Variants in GRIN2A observed in about 807,000 individuals in gnomAD.
GRIN2A encodes the protein glutamate receptor ionotropic, NMDA 2A.
GRIN2A carries 22 observed loss-of-function variants against 113.4 expected under a neutral mutation model. That is an observed-to-expected ratio of 0.19 (90% CI 0.14 to 0.28). GRIN2A has a LOEUF of 0.28. GRIN2A is among the 10% of genes least tolerant of loss of function. GRIN2A has a pLI of 1.00. For synonymous variants in GRIN2A, 827 were observed against 738.4 expected, an observed-to-expected ratio of 1.12 and a Z score of -1.94; for missense variants, 1,502 against 1,887.0, an observed-to-expected ratio of 0.80 and a Z score of 3.78.
chr16:10,059,592 A>C (rs1461451252), intron 2 of GRIN2A, among the ~76,000 whole-genome samples: 1 of 152,164 alleles, frequency 6.6e-6, no homozygotes, highest in African/African-American at 2.4e-5. Context: ...AGCAAATAAT[A>C]ACTTTAGAAA....
intron 2 of GRIN2A, among the ~76,000 whole-genome samples, chr16:9,975,192 T>G (rs1405015869): frequency 1.3e-5 from 2 of 152,028 alleles, no homozygotes; most frequent in Admixed American, 1.3e-4. Flanking sequence ...ACTCTAAAAA[T>G]CCATAAAAAG....
chr16:9,893,490 G>A (rs976149363), intron 3 of GRIN2A, among the ~76,000 whole-genome samples: 1 of 151,836 alleles, frequency 6.6e-6, no homozygotes, highest in Non-Finnish European at 1.5e-5. Flanking sequence ...TTTTTAAGAC[G>A]GAGTCTCACT....
intron 3 of GRIN2A, among the ~76,000 whole-genome samples, chr16:9,917,104 T>A (rs143179758): frequency 0.029 from 4,440 of 152,320 alleles, 102 homozygotes; most frequent in Non-Finnish European, 0.042. Context: ...TGGAATGACT[T>A]TTCTCCGGCT....
intron 2 of GRIN2A, among the ~76,000 whole-genome samples, chr16:9,984,228 G>C (rs937905001): frequency 3.9e-5 from 4 of 103,882 alleles, no homozygotes; most frequent in African/African-American, 7.8e-5. Context: ...TTTTTAATCG[G>C]ATTTTTTTTT....
At chr16:10,034,185 G>A (rs899761877) in intron 2 of GRIN2A, among the ~76,000 whole-genome samples, 5 of 152,148 alleles carry the variant, frequency 3.3e-5, no homozygotes, top group African/African-American at 1.2e-4. Flanking sequence ...GTGTTTATCT[G>A]CCTTCAGACT....
At chr16:9,839,108 GT>G (rs2042629554) in intron 7 of GRIN2A, among the ~76,000 whole-genome samples, 1 of 152,042 alleles carries the variant, frequency 6.6e-6, no homozygotes, top group South Asian at 2.1e-4. Context: ...AGAGATTCAC[GT>G]TTGTCTTAAC....
At chr16:9,865,714 A>AGTTCTC (rs1157016248) in intron 4 of GRIN2A, among the ~76,000 whole-genome samples, 1 of 152,208 alleles carries the variant, frequency 6.6e-6, no homozygotes, top group African/African-American at 2.4e-5. Flanking sequence ...TATGTGCCAT[A>AGTTCTC]AACTGTTCTC....
At chr16:10,167,196 T>A (rs1188902902) in intron 2 of GRIN2A, among the ~76,000 whole-genome samples, 1 of 152,176 alleles carries the variant, frequency 6.6e-6, no homozygotes, top group Non-Finnish European at 1.5e-5. Flanking sequence ...TGTGATCCCC[T>A]GAAATTGCAC....
chr16:9,815,176 TTTG>T (rs1398575105), intron 10 of GRIN2A, among the ~76,000 whole-genome samples: 1 of 152,176 alleles, frequency 6.6e-6, no homozygotes, highest in Middle Eastern at 3.2e-3. Flanking sequence ...ACACTGTTCT[TTTG>T]TTTTTACAGA....
At chr16:10,057,880 A>G (rs2047481863) in intron 2 of GRIN2A, among the ~76,000 whole-genome samples, 1 of 152,222 alleles carries the variant, frequency 6.6e-6, no homozygotes, top group Non-Finnish European at 1.5e-5. Flanking sequence ...AGAGATCTTG[A>G]CTTTTATGTG....
intron 2 of GRIN2A, among the ~76,000 whole-genome samples, chr16:10,038,454 G>C (rs12447852): frequency 0.22 from 32,714 of 151,768 alleles, 4,222 homozygotes; most frequent in East Asian, 0.52. Flanking sequence ...GGGCTGTCCT[G>C]CACACACTGT....
At chr16:9,885,583 C>T (rs1023471883) in intron 4 of GRIN2A, among the ~76,000 whole-genome samples, 1 of 152,186 alleles carries the variant, frequency 6.6e-6, no homozygotes, top group African/African-American at 2.4e-5. Context: ...TCCCAGACAC[C>T]CTCATTACAT....
chr16:9,976,381 A>C (rs748622460), intron 2 of GRIN2A, among the ~76,000 whole-genome samples: 4 of 152,204 alleles, frequency 2.6e-5, no homozygotes, highest in Non-Finnish European at 5.9e-5. Context: ...TGTCCAAAGG[A>C]GGACAGGACA....
intron 2 of GRIN2A, among the ~76,000 whole-genome samples, chr16:10,137,227 C>T (rs1375758827): frequency 6.6e-6 from 1 of 152,234 alleles, no homozygotes; most frequent in African/African-American, 2.4e-5. Flanking sequence ...AAAGCCCCAA[C>T]AGCACATGCT....
intron 2 of GRIN2A, among the ~76,000 whole-genome samples, chr16:10,018,218 G>A (rs1445821362): frequency 1.3e-5 from 2 of 152,146 alleles, no homozygotes; most frequent in Non-Finnish European, 2.9e-5. Context: ...GATGCACGTG[G>A]GCCATTTCAA....
At chr16:10,110,296 G>A (rs189221937) in intron 2 of GRIN2A, among the ~76,000 whole-genome samples, 5 of 152,320 alleles carry the variant, frequency 3.3e-5, no homozygotes, top group Admixed American at 6.5e-5. Context: ...TTAGGGGAAC[G>A]TGGTAATGGA....
chr16:10,150,941 G>A (rs1461014947), intron 2 of GRIN2A, among the ~76,000 whole-genome samples: 2 of 152,168 alleles, frequency 1.3e-5, no homozygotes, highest in Admixed American at 1.3e-4. Flanking sequence ...CCTGACACAT[G>A]GTAGATACTA....
intron 8 of GRIN2A, among the ~76,000 whole-genome samples, chr16:9,833,074 G>A (rs2042525094): frequency 6.6e-6 from 1 of 152,188 alleles, no homozygotes; most frequent in South Asian, 2.1e-4. Context: ...TTGGGAAAGA[G>A]ATTTGGTCCT....
In GRIN2A at chr16:9,764,037, C is replaced by T. The variant is rs2141131530; in HGVS notation, c.3507G>A (p.Arg1169=). The part of the protein sequence containing the change: ...RKGDSTLPMN[R]NPLHNEEGLS... ...GCCCCTCTTCATTATGCAAGGGGTT[C>T]CGGTTCATTGGCAGCGTGGAGTCCC... is the stretch of plus-strand genomic sequence containing the variant. Residue 1169 remains arginine (R), a synonymous_variant, in exon 13 of 13, where the codon CGG becomes CGA. Transcript: ENST00000330684. 1 of 1,614,054 alleles carries T rather than the reference C, an allele frequency of 6.2e-7. No individual in the cohort carries two copies. Among genetic ancestry groups the T allele is most frequent in the Non-Finnish European group, 8.5e-7 (1 of 1,179,944 alleles).
Sources: allele counts gnomAD v4.1 joint callset (sites outside exome capture counted in the v4.1 genomes callset), GRCh38; gene constraint gnomAD v4.1.1; transcripts MANE v1.5; gene names NCBI Gene and HGNC (gene_info 2026-07-23, HGNC 2026-07-21).